SLC39A11: variants seen among roughly 807,000 people sequenced by gnomAD.
The protein encoded by SLC39A11 is solute carrier family 39 member 11.
In SLC39A11, 33 loss-of-function variants were observed where a neutral mutation model predicts 36.1. The ratio of observed to expected loss-of-function variants is 0.91; its 90% confidence interval spans 0.69 to 1.22. The LOEUF is 1.22. Ranked by LOEUF, SLC39A11 falls within the 50% of genes most tolerant of loss-of-function variation. SLC39A11 has a pLI of 0.00. For missense variants in SLC39A11, 432 were observed against 430.3 expected (o/e 1.00, Z -0.03); for synonymous variants, 166 against 170.3 (o/e 0.97, Z 0.20).
intron 4 of SLC39A11, among the ~76,000 whole-genome samples, chr17:72,988,990 CACTTG>C (rs2088967858): frequency 1.3e-5 from 2 of 152,166 alleles, no homozygotes; most frequent in Non-Finnish European, 2.9e-5. Context: ...GAGGGCACAT[CACTTG>C]AGGTCAGGAG....
At chr17:73,036,226 A>G (rs1479717845) in intron 3 of SLC39A11, among the ~76,000 whole-genome samples, 6 of 152,224 alleles carry the variant, frequency 3.9e-5, no homozygotes, top group Admixed American at 3.9e-4. Context: ...GGCACATGTT[A>G]CTTTTCTTAA....
intron 7 of SLC39A11, among the ~76,000 whole-genome samples, chr17:72,732,519 G>A (rs907050949): frequency 1.3e-5 from 2 of 152,122 alleles, no homozygotes; most frequent in Non-Finnish European, 2.9e-5. Context: ...TGGCAGTTTT[G>A]AGGAGGGCTG....
intron 6 of SLC39A11, among the ~76,000 whole-genome samples, chr17:72,758,870 AC>A (rs2075461420): frequency 6.6e-6 from 1 of 152,132 alleles, no homozygotes; most frequent in Non-Finnish European, 1.5e-5. Context: ...GACTGAGATG[AC>A]CCATGGATGA....
At chr17:72,999,653 A>G (rs1159366309) in intron 4 of SLC39A11, among the ~76,000 whole-genome samples, 1 of 152,250 alleles carries the variant, frequency 6.6e-6, no homozygotes, top group African/African-American at 2.4e-5. Context: ...ACGGAAGGCA[A>G]CAGGTCCATT....
chr17:72,969,729 C>CATCT (rs2087293676), intron 4 of SLC39A11, among the ~76,000 whole-genome samples: 1 of 152,176 alleles, frequency 6.6e-6, no homozygotes, highest in Non-Finnish European at 1.5e-5. Flanking sequence ...ACACCCAACT[C>CATCT]ATCTCCCTGG....
intron 7 of SLC39A11, among the ~76,000 whole-genome samples, chr17:72,726,815 T>C (rs1406421372): frequency 6.6e-6 from 1 of 152,172 alleles, no homozygotes; most frequent in African/African-American, 2.4e-5. Context: ...GAGGCAAACA[T>C]ATATCTTAAA....
In SLC39A11 at chr17:72,912,649, C is replaced by T. The variant is rs1231631797; in HGVS notation, c.430+35103G>A. 5.9e-5 allele frequency among the ~76,000 whole-genome samples: 9 copies of T among 152,028 alleles called. 1 individual carries two copies. The highest frequency in any genetic ancestry group is 2.1e-4 in the South Asian group (1 of 4,798). ...AATGGTGGCAACTTCAGTAGGCTGA[C>T]GGAGGAGAACCTGAGGGTACGGGGG... On this transcript the variant is annotated intron_variant, in intron 5 of 9. Transcript: ENST00000255559.
intron 6 of SLC39A11, among the ~76,000 whole-genome samples, chr17:72,834,799 ATAGG>A (rs1437236285): frequency 6.6e-6 from 1 of 152,214 alleles, no homozygotes; most frequent in African/African-American, 2.4e-5. Flanking sequence ...AATTTACATA[ATAGG>A]TAGGAGGATG....
intron 6 of SLC39A11, among the ~76,000 whole-genome samples, chr17:72,825,669 G>A (rs578172805): frequency 6.6e-5 from 10 of 152,344 alleles, no homozygotes; most frequent in East Asian, 5.8e-4. Flanking sequence ...CCAAAGGGGC[G>A]GAGATGTCCA....
intron 3 of SLC39A11, among the ~76,000 whole-genome samples, chr17:73,078,009 T>C (rs953931568): frequency 3.3e-5 from 5 of 151,946 alleles, no homozygotes; most frequent in Non-Finnish European, 4.4e-5. Context: ...GAGGCTGAGG[T>C]GGGTGGATCA....
intron 5 of SLC39A11, among the ~76,000 whole-genome samples, chr17:72,892,488 A>AG (rs2081807697): frequency 6.6e-6 from 1 of 152,072 alleles, no homozygotes; most frequent in South Asian, 2.1e-4. Flanking sequence ...TGAGAGTCTT[A>AG]GAAAAAAAAG....
intron 7 of SLC39A11, among the ~76,000 whole-genome samples, chr17:72,677,659 G>C (rs1033444257): frequency 6.6e-6 from 1 of 152,174 alleles, no homozygotes; most frequent in African/African-American, 2.4e-5. Flanking sequence ...TGGAGGGTTT[G>C]TTAAAGCACA....
intron 6 of SLC39A11, among the ~76,000 whole-genome samples, chr17:72,742,031 G>A (rs758886609): frequency 2.4e-4 from 37 of 151,994 alleles, no homozygotes; most frequent in Non-Finnish European, 4.1e-4. Flanking sequence ...GTGAAACCTC[G>A]TCTCTACTAA....
chr17:73,025,038 T>C (rs2058487041), intron 4 of SLC39A11, among the ~76,000 whole-genome samples: 1 of 152,070 alleles, frequency 6.6e-6, no homozygotes, highest in African/African-American at 2.4e-5. Flanking sequence ...ATATTCAAAG[T>C]ACACACGCAC....
At chr17:72,772,865 C>A (rs2075998397) in intron 6 of SLC39A11, among the ~76,000 whole-genome samples, 1 of 152,160 alleles carries the variant, frequency 6.6e-6, no homozygotes, top group African/African-American at 2.4e-5. Flanking sequence ...GGATGGATCA[C>A]CTGAGGTCAG....
chr17:72,920,681 C>T (rs1196597927), intron 5 of SLC39A11, among the ~76,000 whole-genome samples: 6 of 110,856 alleles, frequency 5.4e-5, no homozygotes, highest in African/African-American at 2.1e-4. Flanking sequence ...ACACACTTCT[C>T]ACCCCCTTAC....
intron 3 of SLC39A11, among the ~76,000 whole-genome samples, chr17:73,045,820 T>C (rs938031607): frequency 1.3e-5 from 2 of 152,124 alleles, no homozygotes. Context: ...ATGTGGGGCA[T>C]CCTTATTAAA....
At chr17:72,765,485 C>T (rs1328315047) in intron 6 of SLC39A11, among the ~76,000 whole-genome samples, 2 of 152,174 alleles carry the variant, frequency 1.3e-5, no homozygotes, top group East Asian at 1.9e-4. Flanking sequence ...AACTCTTTCT[C>T]GATTGAATTA....
intron 7 of SLC39A11, among the ~76,000 whole-genome samples, chr17:72,672,560 C>T (rs1484886473): frequency 2.0e-5 from 3 of 152,176 alleles, no homozygotes; most frequent in African/African-American, 7.2e-5. Flanking sequence ...GGCCGTTGGG[C>T]CAAATATGGC....
Sources: allele counts gnomAD v4.1 joint callset (sites outside exome capture counted in the v4.1 genomes callset), GRCh38; gene constraint gnomAD v4.1.1; transcripts MANE v1.5; gene names NCBI Gene and HGNC (gene_info 2026-07-23, HGNC 2026-07-21).